The following KSR1 variants were observed in gnomAD, a reference collection of about 807,000 sequenced individuals.
KSR1 encodes the protein kinase suppressor of ras 1.
A neutral mutation model predicts 92.9 loss-of-function variants in KSR1; 35 were observed. The observed-to-expected ratio is 0.38, with a 90% confidence interval of 0.29 to 0.50. The LOEUF is 0.50. Ranked by LOEUF, KSR1 falls within the 20% of genes least tolerant of loss-of-function variation. The pLI, the probability that KSR1 is intolerant of heterozygous loss-of-function variation, is 0.94. For missense variants in KSR1, 972 were observed against 1,158.5 expected (o/e 0.84, Z 2.34); for synonymous variants, 467 against 472.6 (o/e 0.99, Z 0.15).
intron 3 of KSR1, among the ~76,000 whole-genome samples, chr17:27,581,411 C>T (rs2072749252): frequency 6.6e-6 from 1 of 152,164 alleles, no homozygotes; most frequent in Non-Finnish European, 1.5e-5. Context: ...CCCCCAGCTT[C>T]ATCCCTTGCC....
intron 2 of KSR1, among the ~76,000 whole-genome samples, chr17:27,573,227 G>A (rs989576351): frequency 1.2e-4 from 19 of 152,198 alleles, no homozygotes; most frequent in African/African-American, 4.1e-4. Flanking sequence ...GTAAAAGCCA[G>A]CCATTTAAAA....
intron 11 of KSR1, chr17:27,601,969 A>T: frequency 1.9e-6 from 3 of 1,587,778 alleles, no homozygotes; most frequent in Non-Finnish European, 2.6e-6. Context: ...GTAAGTCAAT[A>T]CATTGAGTCC....
intron 2 of KSR1, among the ~76,000 whole-genome samples, chr17:27,564,479 A>C (rs1486656239): frequency 2.6e-5 from 4 of 152,248 alleles, no homozygotes; most frequent in African/African-American, 4.8e-5. Context: ...TAGGCAATAC[A>C]AATCCAAGGA....
At chr17:27,585,997 G>A (rs1020169733) in intron 5 of KSR1, 9 of 382,210 alleles carry the variant, frequency 2.4e-5, no homozygotes, top group Non-Finnish European at 4.3e-5. Context: ...GGGCTGCCAC[G>A]GTAAAGCAGC....
At chr17:27,596,343 T>G (rs2073344628) in intron 9 of KSR1, among the ~76,000 whole-genome samples, 1 of 152,280 alleles carries the variant, frequency 6.6e-6, no homozygotes, top group African/African-American at 2.4e-5. Flanking sequence ...AGAGTGCCCC[T>G]CCTCCCTGGC....
chr17:27,569,604 C>T (rs573275093), intron 2 of KSR1, among the ~76,000 whole-genome samples: 2 of 152,282 alleles, frequency 1.3e-5, no homozygotes, highest in East Asian at 1.9e-4. Context: ...TTTGAACTGG[C>T]GGGAGGAATT....
chr17:27,616,872 A>G (rs532062550), intron 18 of KSR1, among the ~76,000 whole-genome samples: 2 of 152,280 alleles, frequency 1.3e-5, no homozygotes, highest in African/African-American at 4.8e-5. Context: ...TCCAGCCGCC[A>G]TTCTAGTAAT....
intron 3 of KSR1, chr17:27,579,497 T>C (rs529653706): frequency 1.3e-5 from 2 of 152,284 alleles, no homozygotes; most frequent in South Asian, 2.1e-4. Context: ...GAGCCTGGCA[T>C]GTATTAGATG....
chr17:27,555,514 G>A (rs1292443173), intron 2 of KSR1, among the ~76,000 whole-genome samples: 1 of 31,416 alleles, frequency 3.2e-5, no homozygotes, highest in East Asian at 1.2e-3. Flanking sequence ...TGTTTGGCGT[G>A]TGTGTGTGTG....
At chr17:27,462,185 TG>T (rs1322976679) in intron 1 of KSR1, among the ~76,000 whole-genome samples, 3 of 152,190 alleles carry the variant, frequency 2.0e-5, no homozygotes, top group African/African-American at 7.2e-5. Flanking sequence ...ACATTCACAA[TG>T]ATGCTATGAG....
intron 1 of KSR1, among the ~76,000 whole-genome samples, chr17:27,498,484 C>CA (rs1240920062): frequency 6.6e-6 from 1 of 152,132 alleles, no homozygotes; most frequent in Non-Finnish European, 1.5e-5. Flanking sequence ...ATCTCCTTTT[C>CA]AAATTCTCCC....
At chr17:27,581,508 G>A (rs923184415) in intron 3 of KSR1, among the ~76,000 whole-genome samples, 2 of 151,870 alleles carry the variant, frequency 1.3e-5, no homozygotes, top group Non-Finnish European at 2.9e-5. Context: ...TTCCCATTAT[G>A]CTGTTCCCTC....
chr17:27,469,010 A>T (rs573731135), intron 1 of KSR1, among the ~76,000 whole-genome samples: 63 of 152,210 alleles, frequency 4.1e-4, no homozygotes, highest in African/African-American at 1.5e-3. Flanking sequence ...ATTATGAGAT[A>T]AGTGTATTTC....
intron 20 of KSR1, among the ~76,000 whole-genome samples, chr17:27,621,694 G>A (rs984547130): frequency 1.3e-5 from 2 of 152,128 alleles, no homozygotes; most frequent in African/African-American, 4.8e-5. Context: ...CTTTATAAAC[G>A]TGCTGCAACT....
chr17:27,582,070 C>T (rs1351160365), intron 3 of KSR1, among the ~76,000 whole-genome samples: 1 of 152,100 alleles, frequency 6.6e-6, no homozygotes, highest in Non-Finnish European at 1.5e-5. Flanking sequence ...ATTGGTCACC[C>T]CTTCGGTTTC....
intron 2 of KSR1, chr17:27,560,206 AGTCTCAGCTTCATATTCT>A: frequency 3.0e-6 from 1 of 335,006 alleles, no homozygotes; most frequent in Non-Finnish European, 5.8e-6. Flanking sequence ...TACGTCTAAA[AGTCTCAGCTTCATATTCT>A]GGCAGCAGCT....
intron 1 of KSR1, chr17:27,465,168 A>G (rs376296749): frequency 6.6e-6 from 1 of 151,976 alleles, no homozygotes; most frequent in Admixed American, 6.6e-5. Flanking sequence ...GCTGTTTGTC[A>G]TTTGCATTGA....
intron 18 of KSR1, among the ~76,000 whole-genome samples, chr17:27,615,476 T>C (rs949314117): frequency 6.6e-5 from 10 of 152,246 alleles, no homozygotes; most frequent in Non-Finnish European, 1.5e-4. Context: ...AGGTTTTTCC[T>C]GTAGTTTCTA....
In KSR1 at chr17:27,582,670, G is replaced by T. The variant is rs1233437182; in HGVS notation, c.545G>T (p.Ser182Ile). ...GGAGGGGAGCACAAGGAGGACTCCA[G>T]TTGGAGTTCATTGGATGCGCGGCGG... ...GLGGEHKEDSSWSSLDARRES... is the reference protein window; with the variant it reads ...GLGGEHKEDSIWSSLDARRES... Residue 182 changes from serine to isoleucine, a missense_variant, in exon 4 of 21, where the codon AGT (serine) becomes ATT (isoleucine). Physicochemically the swap from Ser to Ile is moderately radical, Grantham distance 142 (BLOSUM62 -2). Transcript: ENST00000644974. 9 of 1,611,942 alleles carry T rather than the reference G, an allele frequency of 5.6e-6. No individual in the cohort carries two copies. Among genetic ancestry groups the T allele is most frequent in the Non-Finnish European group, 7.6e-6 (9 of 1,178,638 alleles).
Sources: gnomAD v4.1 joint callset for allele counts (sites outside exome capture counted in the v4.1 genomes callset) on GRCh38, gnomAD v4.1.1 for gene constraint, MANE v1.5 for transcripts, NCBI Gene and HGNC (gene_info 2026-07-23, HGNC 2026-07-21) for gene names.